Variants in PHLDB2 observed in about 807,000 individuals in gnomAD.
PHLDB2 encodes pleckstrin homology like domain family B member 2.
In PHLDB2, 71 loss-of-function variants were observed where a neutral mutation model predicts 123.6. The observed-to-expected ratio is 0.57, with a 90% CI of 0.47 to 0.70. The LOEUF is 0.70. PHLDB2 is among the 30% of genes least tolerant of loss of function. PHLDB2 has a pLI of 0.00. For synonymous variants in PHLDB2, 547 were observed against 541.6 expected, an observed-to-expected ratio of 1.01 and a Z score of -0.14; for missense variants, 1,446 against 1,519.5, an observed-to-expected ratio of 0.95 and a Z score of 0.80.
chr3:111,772,077 T>A (rs9631450), intron 1 of PHLDB2, among the ~76,000 whole-genome samples: 131,578 of 152,034 alleles, frequency 0.87, 57,839 homozygotes, highest in East Asian at 1. Flanking sequence ...AAAAAAAGAC[T>A]AATGCTGCAT....
intron 1 of PHLDB2, among the ~76,000 whole-genome samples, chr3:111,880,928 A>G (rs910908247): frequency 6.6e-6 from 1 of 152,104 alleles, no homozygotes; most frequent in Admixed American, 6.6e-5. Context: ...TAAAATATCA[A>G]ACCATCCTTT....
At position 111,918,048 on chromosome 3, in the gene PHLDB2, A is replaced by G. The variant is rs558628255; in HGVS notation, c.1720-1024A>G. Among the ~76,000 whole-genome samples the G allele has an allele frequency of 7.4e-4, 113 of 152,344 alleles. 1 individual carries two copies. Among genetic ancestry groups the G allele is most frequent in the Admixed American group, 2.2e-3 (33 of 15,306 alleles). ...AAAAGGGATAATTTAAATAAATAAT[A>G]CATTCATACTGACATATAGTATATA... On this transcript the variant is annotated intron_variant, in intron 3 of 17. Transcript: ENST00000431670.
intron 8 of PHLDB2, among the ~76,000 whole-genome samples, chr3:111,941,466 C>T (rs1480137419): frequency 6.6e-6 from 1 of 152,158 alleles, no homozygotes; most frequent in African/African-American, 2.4e-5. Context: ...ATAGTCCCAC[C>T]TAAAATAAAT....
At chr3:111,892,234 G>A (rs1372791016) in intron 2 of PHLDB2, among the ~76,000 whole-genome samples, 1 of 152,128 alleles carries the variant, frequency 6.6e-6, no homozygotes, top group East Asian at 1.9e-4. Context: ...ACATATTAAT[G>A]TTTCTGTGGT....
At position 111,884,349 on chromosome 3, in the gene PHLDB2, G is replaced by C; in HGVS notation, c.272G>C (p.Ser91Thr). ...SSPSLAKIQG[S>T]KQFSYDGTDK... The stretch of plus-strand genomic sequence containing the variant: ...CCCTCCTTAGCCAAAATCCAGGGAA[G>C]CAAGCAGTTCTCTTATGATGGAACT... The change falls in exon 2 of 18, where the codon AGC becomes ACC. Residue 91 changes from serine to threonine, a missense_variant. By Grantham distance (58) the Ser-to-Thr change is moderately conservative (BLOSUM62 1). This residue lies in a region of PHLDB2 where 832 missense variants were observed against 831.9 expected (regional missense o/e 1.00). Coordinates refer to ENST00000431670, the MANE Select transcript of PHLDB2 (RefSeq NM_001134438.2). 2 of 1,614,178 alleles carry C rather than the reference G, an allele frequency of 1.2e-6. No homozygotes were observed. The highest frequency in any genetic ancestry group is 1.1e-5 in the South Asian group (1 of 91,082).
intron 8 of PHLDB2, among the ~76,000 whole-genome samples, chr3:111,941,616 G>A (rs563866120): frequency 2.8e-4 from 43 of 152,222 alleles, no homozygotes; most frequent in African/African-American, 1.0e-3. Flanking sequence ...AGACCAGTCT[G>A]GCCAACATGG....
intron 1 of PHLDB2, among the ~76,000 whole-genome samples, chr3:111,771,031 C>A (rs1382782076): frequency 6.6e-6 from 1 of 152,206 alleles, no homozygotes; most frequent in Non-Finnish European, 1.5e-5. Context: ...CACCATTGTG[C>A]AGCTGCCCCT....
At position 111,884,304 on chromosome 3, in the gene PHLDB2, G is replaced by T. The variant is rs796635791; in HGVS notation, c.227G>T (p.Gly76Val). 8 of 1,614,140 alleles carry T rather than the reference G, an allele frequency of 5.0e-6. No homozygotes were observed. In the South Asian group the frequency reaches 6.6e-5, roughly 13 times the overall value. Residue 76 changes from glycine (G) to valine (V), a missense_variant, in exon 2 of 18, where the codon GGA becomes GTA. By Grantham distance (109) the Gly-to-Val change is moderately radical. Coordinates refer to ENST00000431670, the MANE Select transcript of PHLDB2 (RefSeq NM_001134438.2). ...VPAKRSPSPL[G>V]TSVRSSPSLA... is the part of the protein sequence containing the mutation. ...GCAAAGAGAAGCCCTTCTCCTTTGG[G>T]AACCAGTGTCAGAAGCAGCCCCTCC...
Position 111,939,505 on chromosome 3 carries a change from C to T in PHLDB2, c.2161C>T (p.His721Tyr). The part of the protein sequence containing the change: ...DADLLDVESK[H>Y]FEDLEFQQLE... ...TGACCTGTTGGATGTTGAAAGCAAACACTTTGAAGACCTGGAGTTCCAGCA... is the reference window on the plus strand; with the variant it reads ...TGACCTGTTGGATGTTGAAAGCAAATACTTTGAAGACCTGGAGTTCCAGCA... Residue 721 changes from histidine (H) to tyrosine (Y), a missense_variant, in exon 7 of 18, where the codon CAC becomes TAC. His to Tyr is a moderately conservative substitution (Grantham distance 83). Around this residue, in one of 3 missense-constraint regions of PHLDB2, gnomAD observed 20 missense variants for 41.6 expected, o/e 0.48. Transcript: ENST00000431670. The T allele has an allele frequency of 1.2e-6, 2 of 1,612,916 alleles. No homozygotes were observed. The highest frequency in any genetic ancestry group is 1.7e-6 in the Non-Finnish European group (2 of 1,179,572).
intron 2 of PHLDB2, among the ~76,000 whole-genome samples, chr3:111,895,857 A>ATCTATCTATCT (rs1553746616): frequency 5.6e-4 from 54 of 96,078 alleles, no homozygotes; most frequent in African/African-American, 1.3e-3. Flanking sequence ...AAAAAAAAAA[A>ATCTATCTATCT]ATCTATCTAT....
intron 1 of PHLDB2, among the ~76,000 whole-genome samples, chr3:111,792,002 G>A (rs1028424844): frequency 2.0e-5 from 3 of 152,096 alleles, no homozygotes; most frequent in Non-Finnish European, 4.4e-5. Context: ...CCCAGCCTCT[G>A]GTAACCATCA....
rs200027189 is a variant in PHLDB2 at position 111,911,226 on chromosome 3, A to G, written c.1336-2093A>G. Among the ~76,000 whole-genome samples the G allele has an allele frequency of 2.0e-5, 3 of 152,350 alleles. No individual in the cohort carries two copies. The East Asian group carries it at 5.8e-4, about 29-fold the overall frequency. On this transcript the variant is annotated intron_variant, in intron 2 of 17. Transcript: ENST00000431670. ...TTAGAGCCCAGGTAATTGGAAATGGACAACTTTCAGATAATCCCAAATATT... is the reference window on the plus strand; with the variant it reads ...TTAGAGCCCAGGTAATTGGAAATGGGCAACTTTCAGATAATCCCAAATATT...
chr3:111,914,704 C>T (rs1433252538), intron 3 of PHLDB2: 1 of 151,956 alleles, frequency 6.6e-6, no homozygotes, highest in Non-Finnish European at 1.5e-5. Flanking sequence ...TTTATCATAA[C>T]TAGTCTTTAT....
intron 1 of PHLDB2, among the ~76,000 whole-genome samples, chr3:111,773,233 C>T (rs2060208778): frequency 1.3e-5 from 2 of 152,078 alleles, no homozygotes; most frequent in African/African-American, 4.8e-5. Context: ...ACAAGGTTTC[C>T]CAGGCTCTGC....
chr3:111,930,383 A>G (rs560154610), intron 5 of PHLDB2, among the ~76,000 whole-genome samples: 11 of 137,076 alleles, frequency 8.0e-5, no homozygotes, highest in African/African-American at 2.2e-4. Context: ...GGCTTTATAC[A>G]TGTGCTATTA....
intron 1 of PHLDB2, among the ~76,000 whole-genome samples, chr3:111,836,462 C>G (rs4381907): frequency 0.72 from 110,198 of 152,016 alleles, 40,296 homozygotes; most frequent in Middle Eastern, 0.85. Flanking sequence ...TCCTCACTGA[C>G]GTGTCTAACA....
rs2064669940 is a variant in PHLDB2 at position 111,859,303 on chromosome 3, C to G, written c.-288C>G. ...GAACGTAGCTTTGAGAAGCTGGCGC[C>G]CAGTGATGGGGCAAACAGCCATGCC... On this transcript the variant is annotated 5_prime_UTR_variant, in exon 1 of 18. Coordinates refer to ENST00000431670, the MANE Select transcript of PHLDB2 (RefSeq NM_001134438.2). 1 of 985,530 alleles carries G rather than the reference C, an allele frequency of 1.0e-6. No individual in the cohort carries two copies. The highest frequency in any genetic ancestry group is 1.2e-6 in the Non-Finnish European group (1 of 829,978). The allele number at this position is 985,530 out of a possible 1,614,324, so 61.0% of individuals were successfully genotyped here.
chr3:111,966,523 C>CGG, intron 13 of PHLDB2, 90 bp from the exon 14 acceptor site: 1 of 468,894 alleles, frequency 2.1e-6, no homozygotes, highest in South Asian at 2.7e-5. Context: ...GTGTGTGTGT[C>CGG]TGGGGTGTGT....
chr3:111,906,833 T>C (rs879437372), intron 2 of PHLDB2, among the ~76,000 whole-genome samples: 4 of 152,160 alleles, frequency 2.6e-5, no homozygotes, highest in Admixed American at 1.3e-4. Context: ...CATTACACTT[T>C]TGTTTCCTCT....
Sources: gnomAD v4.1 joint callset for allele counts (sites outside exome capture counted in the v4.1 genomes callset) on GRCh38, gnomAD v4.1.1 for gene constraint, gnomAD v4.1.1 regional missense constraint, MANE v1.5 for transcripts, NCBI Gene and HGNC (gene_info 2026-07-23, HGNC 2026-07-21) for gene names.